The following PARP12 variants were observed in gnomAD, a reference collection of about 807,000 sequenced individuals.
PARP12 encodes the protein poly(ADP-ribose) polymerase family member 12.
PARP12 carries 59 observed loss-of-function variants against 72.4 expected under a neutral mutation model. The ratio of observed to expected loss-of-function variants is 0.81; its 90% CI spans 0.66 to 1.01. The LOEUF (loss-of-function observed/expected upper bound fraction) is 1.01. PARP12 is among the 50% of genes least tolerant of loss of function. The probability of loss-of-function intolerance (pLI) is 0.00; values close to 1 mark genes in which losing one functional copy is unlikely to be tolerated. For missense variants in PARP12, 851 were observed against 914.0 expected, an observed-to-expected ratio of 0.93 and a Z score of 0.89; for synonymous variants, 403 against 371.4, an observed-to-expected ratio of 1.09 and a Z score of -0.98.
At chr7:140,033,597 C>T in intron 8 of PARP12, 1 of 985,380 alleles carries the variant, frequency 1.0e-6, no homozygotes, top group Non-Finnish European at 1.2e-6. Flanking sequence ...CCCATCCCAC[C>T]TCCCCAAGCC....
chr7:140,059,765 G>A (rs1273673670), intron 1 of PARP12, among the ~76,000 whole-genome samples: 2 of 152,208 alleles, frequency 1.3e-5, no homozygotes, highest in Non-Finnish European at 2.9e-5. Context: ...AGACATAGAG[G>A]AGACTCTGAT....
intron 4 of PARP12, among the ~76,000 whole-genome samples, chr7:140,049,463 G>A (rs1473028151): frequency 6.6e-6 from 1 of 152,166 alleles, no homozygotes; most frequent in African/African-American, 2.4e-5. Context: ...TCCCTGAAAG[G>A]CATTAGAGGA....
At chr7:140,034,693 T>C (rs1816081343) in intron 7 of PARP12, 1 of 189,562 alleles carries the variant, frequency 5.3e-6, no homozygotes, top group South Asian at 8.6e-5. Context: ...CTACCATGTC[T>C]TGAGTTAGTG....
At chr7:140,058,159 A>G in intron 1 of PARP12, 125 bp from the exon 2 acceptor site, 1 of 1,111,530 alleles carries the variant, frequency 9.0e-7, no homozygotes. Flanking sequence ...TAAAGAGGTA[A>G]TTAAGTTAAA....
intron 1 of PARP12, among the ~76,000 whole-genome samples, chr7:140,058,656 G>T (rs914330380): frequency 6.6e-6 from 1 of 152,162 alleles, no homozygotes; most frequent in Non-Finnish European, 1.5e-5. Context: ...CTCCAGAACT[G>T]TGACAAAATC....
chr7:140,041,907 A>T, intron 5 of PARP12, 68 bp from the exon 6 acceptor site: 1 of 1,334,256 alleles, frequency 7.5e-7, no homozygotes, highest in Non-Finnish European at 1.1e-6. Flanking sequence ...CCTCAGCTTG[A>T]GAACATATAG....
chr7:140,036,491 GC>G (rs1279446168), intron 7 of PARP12, among the ~76,000 whole-genome samples: 1 of 152,108 alleles, frequency 6.6e-6, no homozygotes, highest in African/African-American at 2.4e-5. Context: ...ACCGTAAAGG[GC>G]ATGTCAAGGG....
chr7:140,036,739 T>C lies in PARP12; in HGVS notation c.1324+976A>G, dbSNP rs369606305. On this transcript the variant is annotated intron_variant, in intron 7 of 11. Transcript: ENST00000263549. ...AGGACTCAGAGTTTAAAATGTGAAA[T>C]ACAGGCAAAACGGAACTGAATAAAG... Among the ~76,000 whole-genome samples the C allele has an allele frequency of 3.0e-4, 46 of 151,880 alleles. 1 individual carries two copies. In the South Asian group the frequency reaches 9.1e-3, roughly 30 times the overall value.
chr7:140,024,402 A>G lies in PARP12; in HGVS notation c.*158T>C. 1 of 894,206 alleles carries G rather than the reference A, an allele frequency of 1.1e-6. No individual in the cohort carries two copies. The highest frequency in any genetic ancestry group is 1.8e-6 in the Non-Finnish European group (1 of 569,846). The allele number at this position is 894,206 out of a possible 1,614,324, so 55.4% of individuals were successfully genotyped here. A position where few individuals can be genotyped will look rare whatever the true frequency, so the allele number is the denominator to read the frequency against. ...GTGAACCCAAAAGTGACTTAAAAGT[A>G]AAAATCATTATTAGCAAGAGATTAA... is the stretch of plus-strand genomic sequence containing the variant. On this transcript the variant is annotated 3_prime_UTR_variant, in exon 12 of 12. Coordinates refer to ENST00000263549, the MANE Select transcript of PARP12 (RefSeq NM_022750.4).
chr7:140,034,378 T>C (rs1816070929), intron 7 of PARP12, 47 bp from the exon 8 acceptor site: 4 of 1,442,270 alleles, frequency 2.8e-6, no homozygotes, highest in South Asian at 1.2e-5. Context: ...TACATATACA[T>C]ACACACAGGA....
intron 4 of PARP12, among the ~76,000 whole-genome samples, chr7:140,051,738 A>G (rs770451408): frequency 6.6e-6 from 1 of 152,176 alleles, no homozygotes; most frequent in Non-Finnish European, 1.5e-5. Flanking sequence ...AAAGAGCCAA[A>G]TCAGGACTGT....
rs144172476 is a variant in PARP12 at position 140,024,806 on chromosome 7, G to C, written c.1860C>G (p.Ala620=). The C allele has an allele frequency of 2.5e-6, 4 of 1,614,152 alleles. No homozygotes were observed. Among genetic ancestry groups the C allele is most frequent in the African/African-American group, 2.7e-5 (2 of 75,040 alleles). Reference sequence around the variant, plus strand: ...TGACGAACTCGCCCACCAGCACCCGGGCCAGGAACATCGTGTGGGTCTGCG... The same window carrying C: ...TGACGAACTCGCCCACCAGCACCCGCGCCAGGAACATCGTGTGGGTCTGCG... ...SDTQTHTMFL[A]RVLVGEFVRG... Residue 620 remains alanine, a synonymous_variant, in exon 12 of 12, where the codon GCC becomes GCG. Coordinates refer to ENST00000263549, the MANE Select transcript of PARP12 (RefSeq NM_022750.4).
At chr7:140,035,927 AAGGAGGAGGAGGAGG>A (rs141105005) in intron 7 of PARP12, among the ~76,000 whole-genome samples, 5 of 38,064 alleles carry the variant, frequency 1.3e-4, no homozygotes, top group African/African-American at 5.4e-4. Context: ...GGAGGAGGAC[AAGGAGGAGGAGGAGG>A]AGGAGGAGGA....
chr7:140,055,654 C>G (rs1817149448), intron 3 of PARP12, among the ~76,000 whole-genome samples: 1 of 152,222 alleles, frequency 6.6e-6, no homozygotes, highest in Non-Finnish European at 1.5e-5. Flanking sequence ...GCTGACATCA[C>G]TGGCAGTGGA....
In PARP12 at chr7:140,062,910, C is replaced by G; in HGVS notation, c.-63G>C. 8.3e-7 allele frequency: 1 copy of G among 1,201,830 alleles called. No individual in the cohort carries two copies. The highest frequency in any genetic ancestry group is 1.0e-6 in the Non-Finnish European group (1 of 964,618). 74.4% of individuals were successfully genotyped at this position (1,201,830 alleles called of 1,614,324 possible). On this transcript the variant is annotated 5_prime_UTR_variant, in exon 1 of 12. Coordinates refer to ENST00000263549, the MANE Select transcript of PARP12 (RefSeq NM_022750.4). ...CGACGCGGACGGCGGCGGACGCTGGCTGGCGGGCGGCTCTCGCAGGGTGGA... is the reference window on the plus strand; with the variant it reads ...CGACGCGGACGGCGGCGGACGCTGGGTGGCGGGCGGCTCTCGCAGGGTGGA...
intron 6 of PARP12, among the ~76,000 whole-genome samples, chr7:140,040,582 AG>A (rs771411355): frequency 6.6e-6 from 1 of 152,210 alleles, no homozygotes; most frequent in Non-Finnish European, 1.5e-5. Flanking sequence ...ATGGGGCAAA[AG>A]AAAAGACAAA....
At chr7:140,037,668 A>T (rs1816263208) in intron 7 of PARP12, 47 bp downstream of exon 7, 1 of 1,605,756 alleles carries the variant, frequency 6.2e-7, no homozygotes, top group African/African-American at 1.3e-5. Context: ...GTAGGGACAG[A>T]GCCAACACAG....
At chr7:140,028,712 C>T (rs754868152) in intron 8 of PARP12, 24 bp from the exon 9 acceptor site, 12 of 1,565,356 alleles carry the variant, frequency 7.7e-6, no homozygotes, top group Non-Finnish European at 1.0e-5. Flanking sequence ...AACAAAAACA[C>T]GTAGACATTT....
chr7:140,061,088 C>CA (rs1817425320), intron 1 of PARP12, among the ~76,000 whole-genome samples: 1 of 152,238 alleles, frequency 6.6e-6, no homozygotes, highest in South Asian at 2.1e-4. Context: ...CCAAATTTCT[C>CA]ACACACATAG....
Sources: gnomAD v4.1 joint callset for allele counts (sites outside exome capture counted in the v4.1 genomes callset) on GRCh38, gnomAD v4.1.1 for gene constraint, MANE v1.5 for transcripts, NCBI Gene and HGNC (gene_info 2026-07-23, HGNC 2026-07-21) for gene names.